ARID2: variants seen among roughly 807,000 people sequenced by gnomAD.
The protein encoded by ARID2 is AT-rich interaction domain 2, also known as AT-rich interactive domain-containing protein 2.
ARID2 carries 32 observed loss-of-function variants against 184.6 expected under a neutral mutation model. The observed-to-expected ratio is 0.17, with a 90% CI of 0.13 to 0.23. The LOEUF (loss-of-function observed/expected upper bound fraction) is 0.23. Ranked by LOEUF, ARID2 falls within the 10% of genes least tolerant of loss-of-function variation. ARID2 has a pLI of 1.00. For missense variants in ARID2, 1,696 were observed against 2,197.6 expected (o/e 0.77, Z 4.56); for synonymous variants, 836 against 772.6 (o/e 1.08, Z -1.36).
At chr12:45,895,568 T>A (rs1008562274) in intron 20 of ARID2, among the ~76,000 whole-genome samples, 2 of 152,362 alleles carry the variant, frequency 1.3e-5, no homozygotes, top group Admixed American at 1.3e-4. Context: ...AGAGTCTCGC[T>A]CTATCGCCCA....
At chr12:45,795,611 A>AT (rs1167968369) in intron 3 of ARID2, among the ~76,000 whole-genome samples, 2 of 150,150 alleles carry the variant, frequency 1.3e-5, no homozygotes, top group African/African-American at 4.9e-5. Flanking sequence ...TTTTTTTTGT[A>AT]TTTTTTACTA....
At chr12:45,877,641 T>C (rs932054166) in intron 16 of ARID2, among the ~76,000 whole-genome samples, 2 of 152,120 alleles carry the variant, frequency 1.3e-5, no homozygotes, top group African/African-American at 4.8e-5. Context: ...ATGAAAGTGG[T>C]CCCTGGTACC....
At chr12:45,753,953 TG>T (rs1165244281) in intron 3 of ARID2, among the ~76,000 whole-genome samples, 3 of 152,192 alleles carry the variant, frequency 2.0e-5, no homozygotes, top group Non-Finnish European at 4.4e-5. Context: ...ATTTTCAACA[TG>T]ATGAAGTACT....
At chr12:45,896,341 T>C (rs1944367455) in intron 20 of ARID2, among the ~76,000 whole-genome samples, 1 of 152,194 alleles carries the variant, frequency 6.6e-6, no homozygotes, top group African/African-American at 2.4e-5. Context: ...AAGTCAGTTT[T>C]CCAAAAGAAG....
intron 12 of ARID2, among the ~76,000 whole-genome samples, chr12:45,847,690 A>G (rs1943469459): frequency 6.6e-6 from 1 of 151,870 alleles, no homozygotes; most frequent in African/African-American, 2.4e-5. Flanking sequence ...TTTGTCTCCC[A>G]TTTCATGCTC....
At chr12:45,791,367 A>G (rs1158915620) in intron 3 of ARID2, among the ~76,000 whole-genome samples, 1 of 152,204 alleles carries the variant, frequency 6.6e-6, no homozygotes, top group Non-Finnish European at 1.5e-5. Flanking sequence ...GGCAAATTAC[A>G]TTTTAAAAAT....
intron 16 of ARID2, among the ~76,000 whole-genome samples, chr12:45,876,024 G>T (rs1288049961): frequency 6.6e-6 from 1 of 152,196 alleles, no homozygotes. Flanking sequence ...GGTGCAAGAG[G>T]CATAGCTTTT....
chr12:45,800,615 C>T (rs1000360301), intron 3 of ARID2, among the ~76,000 whole-genome samples: 1 of 149,482 alleles, frequency 6.7e-6, no homozygotes, highest in Non-Finnish European at 1.5e-5. Flanking sequence ...ACCTAGTGTC[C>T]AGATAATTGG....
intron 11 of ARID2, among the ~76,000 whole-genome samples, chr12:45,844,547 A>C (rs1009285207): frequency 6.6e-6 from 1 of 152,186 alleles, no homozygotes; most frequent in Non-Finnish European, 1.5e-5. Context: ...ATTGACAGGA[A>C]GCTATACCAA....
At position 45,852,501 on chromosome 12, in the gene ARID2, G is replaced by A. The variant is rs771991634; in HGVS notation, c.4378G>A (p.Val1460Met). The A allele has an allele frequency of 2.5e-6, 4 of 1,614,148 alleles. No individual in the cohort carries two copies. Among genetic ancestry groups the A allele is most frequent in the East Asian group, 2.2e-5 (1 of 44,868 alleles). Reference protein sequence around the residue: ...GPLASSLNSDVPQQRPSVVVS... With the variant: ...GPLASSLNSDMPQQRPSVVVS... Reference sequence around the variant, plus strand: ...TCTAGCTTCAAGTTTGAATTCAGATGTGCCTCAGCAACGCCCAAGTGTAGT... The same window carrying A: ...TCTAGCTTCAAGTTTGAATTCAGATATGCCTCAGCAACGCCCAAGTGTAGT... Residue 1460 changes from valine to methionine, a missense_variant, in exon 15 of 21, where the codon GTG becomes ATG. This residue lies in a region of ARID2 where 428 missense variants were observed against 409.1 expected (regional missense o/e 1.05). Coordinates refer to ENST00000334344, the MANE Select transcript of ARID2 (RefSeq NM_152641.4).
intron 3 of ARID2, 46 bp downstream of exon 3, chr12:45,731,360 A>G: frequency 7.2e-7 from 1 of 1,395,660 alleles, no homozygotes; most frequent in Non-Finnish European, 1.0e-6. Context: ...TAAGGGACTT[A>G]TGGAGAGATT....
chr12:45,797,012 CACATTTT>C (rs1235231341), intron 3 of ARID2, among the ~76,000 whole-genome samples: 1 of 152,146 alleles, frequency 6.6e-6, no homozygotes, highest in Non-Finnish European at 1.5e-5. Flanking sequence ...AAACACATTT[CACATTTT>C]ACATCTGTGT....
chr12:45,836,235 GGTCTCACTCTTCC>G (rs1943218307), intron 6 of ARID2, among the ~76,000 whole-genome samples: 2 of 151,962 alleles, frequency 1.3e-5, no homozygotes, highest in African/African-American at 4.8e-5. Flanking sequence ...TTTGAGATGG[GGTCTCACTCTTCC>G]GCCCAGGCTG....
At position 45,836,774 on chromosome 12, in the gene ARID2, T is replaced by C. The variant is rs759470339; in HGVS notation, c.806T>C (p.Leu269Ser). 6.2e-6 allele frequency: 10 copies of C among 1,613,798 alleles called. No individual in the cohort carries two copies. Among genetic ancestry groups the C allele is most frequent in the Non-Finnish European group, 7.6e-6 (9 of 1,179,846 alleles). The change falls in exon 8 of 21, where the codon TTA becomes TCA. Residue 269 changes from leucine to serine, a missense_variant. Physicochemically the swap from Leu to Ser is moderately radical, Grantham distance 145. Coordinates refer to ENST00000334344, the MANE Select transcript of ARID2 (RefSeq NM_152641.4). Reference protein sequence around the residue: ...GTSGEWIWESLFHPPRKLGIN... With the variant: ...GTSGEWIWESSFHPPRKLGIN... ...TCAGGAGAATGGATTTGGGAGTCTT[T>C]ATTTCATCCACCTCGAAAGCTGGGC...
chr12:45,821,286 C>T, intron 5 of ARID2, 134 bp from the exon 6 acceptor site: 1 of 459,608 alleles, frequency 2.2e-6, no homozygotes, highest in Non-Finnish European at 3.8e-6. Context: ...CTATCATTTA[C>T]TATAAAATAA....
At chr12:45,863,774 A>G (rs951847330) in intron 16 of ARID2, among the ~76,000 whole-genome samples, 4 of 150,600 alleles carry the variant, frequency 2.7e-5, no homozygotes, top group African/African-American at 7.4e-5. Flanking sequence ...TTAGTTCTGT[A>G]TTGGCACCAC....
At chr12:45,839,730 A>G (rs1354553500) in intron 11 of ARID2, 1 of 385,044 alleles carries the variant, frequency 2.6e-6, no homozygotes, top group East Asian at 4.0e-5. Flanking sequence ...GGCAGGATTT[A>G]GAGTAATGTG....
chr12:45,895,941 AAAG>A (rs1164267224), intron 20 of ARID2, among the ~76,000 whole-genome samples: 1 of 152,218 alleles, frequency 6.6e-6, no homozygotes, highest in Non-Finnish European at 1.5e-5. Context: ...GAAAGAAATT[AAAG>A]AATATATAAA....
chr12:45,741,821 G>T (rs1159426113), intron 3 of ARID2, among the ~76,000 whole-genome samples: 3 of 152,150 alleles, frequency 2.0e-5, no homozygotes, highest in African/African-American at 7.2e-5. Context: ...CGAGGTGATA[G>T]GTGTGCTCAT....
Sources: allele counts gnomAD v4.1 joint callset (sites outside exome capture counted in the v4.1 genomes callset), GRCh38; gene constraint gnomAD v4.1.1; regional missense constraint gnomAD v4.1.1; transcripts MANE v1.5; gene names NCBI Gene and HGNC (gene_info 2026-07-23, HGNC 2026-07-21).